The following PCSK5 variants were observed in gnomAD, a reference collection of about 807,000 sequenced individuals.
The protein encoded by PCSK5 is prohormone convertase 5.
In PCSK5, 129 loss-of-function variants were observed where a neutral mutation model predicts 233.2. The ratio of observed to expected loss-of-function variants is 0.55; its 90% CI spans 0.48 to 0.64. The LOEUF (loss-of-function observed/expected upper bound fraction) is 0.64. PCSK5 is among the 30% of genes least tolerant of loss of function. The pLI is 0.00. For missense variants in PCSK5, 2,076 were observed against 2,430.1 expected (o/e 0.85, Z 3.06); for synonymous variants, 825 against 879.2 (o/e 0.94, Z 1.09).
chr9:76,220,676 C>T (rs1032043395), intron 20 of PCSK5, among the ~76,000 whole-genome samples: 1 of 149,312 alleles, frequency 6.7e-6, no homozygotes, highest in Non-Finnish European at 1.5e-5. Context: ...TTATGGTGTA[C>T]AGCAAAATGT....
intron 20 of PCSK5, among the ~76,000 whole-genome samples, chr9:76,208,836 T>G (rs1825220040): frequency 6.6e-6 from 1 of 152,230 alleles, no homozygotes; most frequent in Admixed American, 6.5e-5. Context: ...GTAACTGTGA[T>G]GTGAATTTAT....
intron 2 of PCSK5, among the ~76,000 whole-genome samples, chr9:75,977,480 T>C (rs2131375808): frequency 6.7e-6 from 1 of 149,436 alleles, no homozygotes; most frequent in Middle Eastern, 3.4e-3. Context: ...TCTTTTTTGC[T>C]TCTGAGATTT....
At chr9:76,319,590 G>A (rs1284592294) in intron 30 of PCSK5, among the ~76,000 whole-genome samples, 1 of 152,074 alleles carries the variant, frequency 6.6e-6, no homozygotes, top group African/African-American at 2.4e-5. Flanking sequence ...GAGCGGTAAC[G>A]CCAGTGTCTG....
intron 8 of PCSK5, among the ~76,000 whole-genome samples, chr9:76,105,639 C>T (rs1158119536): frequency 6.6e-6 from 1 of 152,220 alleles, no homozygotes; most frequent in African/African-American, 2.4e-5. Context: ...ATCCTGCAAG[C>T]ATCACATGTC....
At chr9:76,129,601 AGTCACCC>A (rs1302468885) in intron 9 of PCSK5, among the ~76,000 whole-genome samples, 1 of 152,158 alleles carries the variant, frequency 6.6e-6, no homozygotes. Flanking sequence ...CAGGTGAGTC[AGTCACCC>A]AAGATTTCAA....
intron 3 of PCSK5, 130 bp downstream of exon 3, chr9:75,986,375 T>C: frequency 1.6e-6 from 1 of 612,408 alleles, no homozygotes; most frequent in Admixed American, 2.9e-5. Context: ...ATACCCACCA[T>C]TTGAGATTGG....
chr9:76,135,638 G>A (rs1342436362), intron 10 of PCSK5, among the ~76,000 whole-genome samples: 1 of 152,058 alleles, frequency 6.6e-6, no homozygotes, highest in Admixed American at 6.6e-5. Context: ...GGAAAATCCA[G>A]GATGTAATTT....
chr9:76,209,203 T>G (rs1388622629), intron 20 of PCSK5, among the ~76,000 whole-genome samples: 10 of 152,198 alleles, frequency 6.6e-5, no homozygotes, highest in South Asian at 2.1e-4. Context: ...GTCAACTAAC[T>G]TTCAGAACAA....
upstream of PCSK5, among the ~76,000 whole-genome samples, chr9:75,890,360 C>T (rs1307280725): frequency 2.0e-5 from 3 of 152,168 alleles, no homozygotes; most frequent in African/African-American, 7.2e-5. Flanking sequence ...TTAATTCGCA[C>T]CGGCGTGTAA....
chr9:76,089,653 C>A (rs1831204905), intron 7 of PCSK5, among the ~76,000 whole-genome samples: 1 of 152,164 alleles, frequency 6.6e-6, no homozygotes, highest in Non-Finnish European at 1.5e-5. Flanking sequence ...GTCATTTACT[C>A]ATGGCCTTTT....
intron 1 of PCSK5, among the ~76,000 whole-genome samples, chr9:75,919,575 C>T (rs1349480972): frequency 6.6e-6 from 1 of 152,194 alleles, no homozygotes; most frequent in African/African-American, 2.4e-5. Flanking sequence ...CCACTTACCC[C>T]ACATCCTCAG....
chr9:75,890,587 GGGAGAGGA>G (rs1236278872), upstream of PCSK5: 2 of 152,998 alleles, frequency 1.3e-5, no homozygotes, highest in Non-Finnish European at 2.9e-5. Context: ...GGGCGGAGGA[GGGAGAGGA>G]GGAGGGCGAT....
At chr9:75,899,098 A>C (rs1825921128) in intron 1 of PCSK5, among the ~76,000 whole-genome samples, 1 of 152,214 alleles carries the variant, frequency 6.6e-6, no homozygotes, top group Non-Finnish European at 1.5e-5. Flanking sequence ...GGATGATTCA[A>C]TAGGGCTTGG....
At chr9:76,341,174 A>C (rs1373941745) in intron 35 of PCSK5, among the ~76,000 whole-genome samples, 2 of 152,220 alleles carry the variant, frequency 1.3e-5, no homozygotes, top group South Asian at 4.1e-4. Flanking sequence ...GCAGTGAGCC[A>C]TGATTGTGCC....
At chr9:76,136,310 T>C (rs572940909) in intron 10 of PCSK5, among the ~76,000 whole-genome samples, 1 of 152,180 alleles carries the variant, frequency 6.6e-6, no homozygotes, top group East Asian at 1.9e-4. Flanking sequence ...AGGCAGAGGC[T>C]AGCAGGAGAA....
intron 30 of PCSK5, among the ~76,000 whole-genome samples, chr9:76,313,094 T>C (rs1417560295): frequency 6.6e-6 from 1 of 152,198 alleles, no homozygotes; most frequent in Admixed American, 6.5e-5. Flanking sequence ...TCTTATCCAC[T>C]TACTATTATT....
At position 76,275,337 on chromosome 9, in the gene PCSK5, A is replaced by G. The variant is rs143776860; in HGVS notation, c.3143-16896A>G. On this transcript the variant is annotated intron_variant, in intron 24 of 37. Transcript: ENST00000674117. Reference sequence around the variant, plus strand: ...TGCATTTTATCTGACAACCCTAACTATAATAAGAATGCTCTGAATTTGCCC... The same window carrying G: ...TGCATTTTATCTGACAACCCTAACTGTAATAAGAATGCTCTGAATTTGCCC... Among the ~76,000 whole-genome samples, 545 of 152,252 alleles carry G rather than the reference A, an allele frequency of 3.6e-3. 1 individual carries two copies. The highest frequency in any genetic ancestry group is 0.012 in the African/African-American group (505 of 41,544).
At chr9:76,194,649 TA>T (rs1824598975) in intron 20 of PCSK5, 1 of 407,266 alleles carries the variant, frequency 2.5e-6, no homozygotes, top group Non-Finnish European at 5.0e-6. Context: ...TGTGACTCTC[TA>T]AACACTTCAT....
At chr9:76,248,879 C>T (rs544787519) in intron 24 of PCSK5, among the ~76,000 whole-genome samples, 9 of 152,232 alleles carry the variant, frequency 5.9e-5, no homozygotes, top group African/African-American at 1.2e-4. Context: ...TGATCCTCCC[C>T]GCTCAGACTC....
Sources: gnomAD v4.1 joint callset for allele counts (sites outside exome capture counted in the v4.1 genomes callset) on GRCh38, gnomAD v4.1.1 for gene constraint, MANE v1.5 for transcripts, NCBI Gene and HGNC (gene_info 2026-07-23, HGNC 2026-07-21) for gene names.